DLG2: variants seen among roughly 807,000 people sequenced by gnomAD.
DLG2 encodes the protein disks large homolog 2.
DLG2 carries 45 observed loss-of-function variants against 132.5 expected under a neutral mutation model. That is an observed-to-expected ratio of 0.34 (90% confidence interval 0.27 to 0.44). DLG2 has a LOEUF of 0.44. DLG2 is among the 20% of genes least tolerant of loss of function. The pLI is 1.00. For missense variants in DLG2, 1,045 were observed against 1,196.9 expected (o/e 0.87, Z 1.87); for synonymous variants, 424 against 419.6 (o/e 1.01, Z -0.13).
Position 83,965,420 on chromosome 11 carries a change from T to G in DLG2, c.1105A>C (p.Ile369Leu). 6.2e-7 allele frequency: 1 copy of G among 1,611,754 alleles called. No individual in the cohort carries two copies. The stretch of plus-strand genomic sequence containing the variant: ...ACTACCTCTGATGTGTTCTTTAATA[T>G]TGCTACTGCCTCTTCGTGTGTTACT... ...EEVTHEEAVAILKNTSEVVYL... is the reference protein window; with the variant it reads ...EEVTHEEAVALLKNTSEVVYL... The change falls in exon 13 of 28, where the codon ATA becomes CTA. Residue 369 changes from isoleucine to leucine, a missense_variant. Around this residue, in one of 4 missense-constraint regions of DLG2, gnomAD observed 261 missense variants for 256.1 expected, o/e 1.02. Coordinates refer to ENST00000376104, the MANE Select transcript of DLG2 (RefSeq NM_001142699.3).
intron 19 of DLG2, among the ~76,000 whole-genome samples, chr11:83,603,676 G>C (rs1364832099): frequency 2.0e-5 from 3 of 152,096 alleles, no homozygotes; most frequent in Non-Finnish European, 2.9e-5. Context: ...ATTTTTATCA[G>C]TTTAGTAAAT....
chr11:84,606,235 A>G (rs2099585341), intron 6 of DLG2, among the ~76,000 whole-genome samples: 1 of 152,182 alleles, frequency 6.6e-6, no homozygotes, highest in African/African-American at 2.4e-5. Flanking sequence ...AGTGGAAAGT[A>G]TACATAATTT....
intron 6 of DLG2, among the ~76,000 whole-genome samples, chr11:84,752,121 G>A (rs1364598844): frequency 6.6e-6 from 1 of 152,098 alleles, no homozygotes; most frequent in Non-Finnish European, 1.5e-5. Context: ...GAAAACATGG[G>A]GTTTAGAATC....
intron 18 of DLG2, among the ~76,000 whole-genome samples, chr11:83,640,066 T>TCATTGGTGACAGTGGCAC (rs2066032370): frequency 6.6e-6 from 1 of 152,184 alleles, no homozygotes; most frequent in African/African-American, 2.4e-5. Context: ...GCACCCTCTT[T>TCATTGGTGACAGTGGCAC]CTATTTGTTC....
At chr11:84,245,416 T>C (rs1052943144) in intron 8 of DLG2, among the ~76,000 whole-genome samples, 3 of 152,206 alleles carry the variant, frequency 2.0e-5, no homozygotes, top group African/African-American at 7.2e-5. Context: ...CCAAATCCAA[T>C]GGGGGATATA....
chr11:84,761,694 G>T (rs2067650394), intron 6 of DLG2, among the ~76,000 whole-genome samples: 1 of 152,072 alleles, frequency 6.6e-6, no homozygotes, highest in Admixed American at 6.5e-5. Context: ...GTTTGCCAGG[G>T]GCTCTCAGGC....
intron 11 of DLG2, among the ~76,000 whole-genome samples, chr11:84,007,053 C>T (rs1447908677): frequency 6.6e-6 from 1 of 151,728 alleles, no homozygotes; most frequent in Non-Finnish European, 1.5e-5. Flanking sequence ...TTTACTACCT[C>T]ACTCGATCAC....
chr11:85,440,740 T>C (rs945762277), intron 3 of DLG2, among the ~76,000 whole-genome samples: 1 of 152,150 alleles, frequency 6.6e-6, no homozygotes, highest in Non-Finnish European at 1.5e-5. Context: ...TAACAGTATA[T>C]TAAAGAAGAA....
intron 6 of DLG2, among the ~76,000 whole-genome samples, chr11:84,552,245 A>T (rs975484072): frequency 7.9e-5 from 12 of 151,960 alleles, no homozygotes; most frequent in African/African-American, 2.7e-4. Context: ...AGAATATTCC[A>T]CTTGCCTTCA....
intron 20 of DLG2, among the ~76,000 whole-genome samples, chr11:83,534,234 A>G (rs1212863198): frequency 6.6e-6 from 1 of 152,214 alleles, no homozygotes; most frequent in Non-Finnish European, 1.5e-5. Context: ...ACAGGGTTGT[A>G]TGTACCTTAA....
At chr11:83,850,396 A>G (rs1244259439) in intron 16 of DLG2, among the ~76,000 whole-genome samples, 2 of 151,782 alleles carry the variant, frequency 1.3e-5, no homozygotes, top group Non-Finnish European at 2.9e-5. Flanking sequence ...CTTGTGATCC[A>G]CCCCTCTCTG....
intron 5 of DLG2, among the ~76,000 whole-genome samples, chr11:85,116,483 A>G (rs923579455): frequency 6.6e-6 from 1 of 152,032 alleles, no homozygotes; most frequent in Non-Finnish European, 1.5e-5. Flanking sequence ...ATGTGTCTAT[A>G]GATACATATA....
chr11:83,623,198 GT>G (rs2061914825), intron 19 of DLG2, among the ~76,000 whole-genome samples: 1 of 151,690 alleles, frequency 6.6e-6, no homozygotes, highest in Admixed American at 6.6e-5. Context: ...TCTGTTGTTG[GT>G]TTAAAGTCTA....
At chr11:84,646,031 C>A (rs1241211401) in intron 6 of DLG2, among the ~76,000 whole-genome samples, 1 of 151,922 alleles carries the variant, frequency 6.6e-6, no homozygotes, top group Admixed American at 6.6e-5. Flanking sequence ...GGGGCCAGCT[C>A]TGAAATATCT....
intron 9 of DLG2, among the ~76,000 whole-genome samples, chr11:84,147,342 A>G (rs1459899284): frequency 6.6e-6 from 1 of 152,126 alleles, no homozygotes; most frequent in African/African-American, 2.4e-5. Flanking sequence ...GAAAGAGGAG[A>G]AGGGCAGTTC....
intron 3 of DLG2, among the ~76,000 whole-genome samples, chr11:85,383,641 C>T (rs750939252): frequency 5.9e-5 from 9 of 152,170 alleles, no homozygotes; most frequent in African/African-American, 1.2e-4. Context: ...GTCAACTATC[C>T]GGCATAACCT....
intron 6 of DLG2, among the ~76,000 whole-genome samples, chr11:84,916,998 C>T (rs898076084): frequency 6.6e-6 from 1 of 152,198 alleles, no homozygotes. Flanking sequence ...ACCAACCCAT[C>T]CCCCAATGCA....
intron 7 of DLG2, among the ~76,000 whole-genome samples, chr11:84,375,408 A>G (rs1370214420): frequency 6.6e-6 from 1 of 152,096 alleles, no homozygotes; most frequent in Non-Finnish European, 1.5e-5. Flanking sequence ...CCAACTGACA[A>G]TGCTGCTGAG....
At chr11:83,798,395 G>A (rs141381717) in intron 17 of DLG2, among the ~76,000 whole-genome samples, 2 of 152,276 alleles carry the variant, frequency 1.3e-5, no homozygotes, top group Non-Finnish European at 2.9e-5. Context: ...CTAAATAGTT[G>A]CTATGTGTAT....
Sources: gnomAD v4.1 joint callset for allele counts (sites outside exome capture counted in the v4.1 genomes callset) on GRCh38, gnomAD v4.1.1 for gene constraint, gnomAD v4.1.1 regional missense constraint, MANE v1.5 for transcripts, NCBI Gene and HGNC (gene_info 2026-07-23, HGNC 2026-07-21) for gene names.